The following SLC7A8 variants were observed in gnomAD, a reference collection of about 807,000 sequenced individuals.
SLC7A8 encodes the protein large neutral amino acids transporter small subunit 2.
A neutral mutation model predicts 51.2 loss-of-function variants in SLC7A8; 30 were observed. That is an observed-to-expected ratio of 0.59 (90% CI 0.44 to 0.80). The LOEUF (loss-of-function observed/expected upper bound fraction) is 0.80. SLC7A8 is among the 30% of genes least tolerant of loss of function. The pLI, the probability that SLC7A8 is intolerant of heterozygous loss-of-function variation, is 0.00. For synonymous variants in SLC7A8, 257 were observed against 275.8 expected (o/e 0.93, Z 0.67); for missense variants, 612 against 674.4 (o/e 0.91, Z 1.03).
At chr14:23,131,589 T>C in intron 7 of SLC7A8, 32 bp from the exon 8 acceptor site, 1 of 1,549,180 alleles carries the variant, frequency 6.5e-7, no homozygotes, top group Non-Finnish European at 8.8e-7. Flanking sequence ...CAGCCTGGGA[T>C]AACCCAGGGA....
intron 1 of SLC7A8, among the ~76,000 whole-genome samples, chr14:23,182,292 CT>C (rs1404642619): frequency 1.3e-5 from 2 of 152,224 alleles, no homozygotes; most frequent in African/African-American, 4.8e-5. Context: ...GGGCATTGCT[CT>C]TGCTATTTTT....
At chr14:23,153,625 A>G (rs922809476) in intron 3 of SLC7A8, among the ~76,000 whole-genome samples, 6 of 152,186 alleles carry the variant, frequency 3.9e-5, no homozygotes, top group African/African-American at 1.4e-4. Context: ...AGAAAGGTGC[A>G]TCCATTGCTC....
chr14:23,151,063 G>GT (rs1222196728), intron 3 of SLC7A8, among the ~76,000 whole-genome samples: 1 of 152,146 alleles, frequency 6.6e-6, no homozygotes, highest in African/African-American at 2.4e-5. Flanking sequence ...TATAAGTCAC[G>GT]TGCCTCTGTC....
intron 3 of SLC7A8, among the ~76,000 whole-genome samples, chr14:23,158,130 T>TC (rs1054693557): frequency 2.7e-4 from 41 of 152,248 alleles, no homozygotes; most frequent in African/African-American, 9.6e-4. Context: ...TATTGTTGTC[T>TC]CCCCCGTGCC....
At position 23,128,350 on chromosome 14, in the gene SLC7A8, C is replaced by G. The variant is rs1029087528; in HGVS notation, c.1264-154G>C. The G allele has an allele frequency of 7.1e-6, 11 of 1,538,690 alleles. No individual in the cohort carries two copies. The highest frequency in any genetic ancestry group is 8.7e-6 in the Non-Finnish European group (10 of 1,146,464). ...CGGCTCTGTGGTCCCACACTCACCC[C>G]TGGTAGGGCAGGGGCTATATAAACA... On this transcript the variant is annotated intron_variant, in intron 9 of 10. Coordinates refer to ENST00000316902, the MANE Select transcript of SLC7A8 (RefSeq NM_012244.4). This position sits in a 1 kb window ranked among gnomAD's most constrained non-coding sequence, Gnocchi z 4.3.
intron 1 of SLC7A8, among the ~76,000 whole-genome samples, chr14:23,171,144 G>T (rs1027637123): frequency 6.6e-6 from 1 of 152,140 alleles, no homozygotes; most frequent in Admixed American, 6.5e-5. Context: ...ACGCACATCC[G>T]TCTGGTATTG....
chr14:23,129,340 G>T, intron 9 of SLC7A8: 1 of 269,636 alleles, frequency 3.7e-6, no homozygotes, highest in East Asian at 8.6e-5. Context: ...GGAAGTGTTG[G>T]GGAGATAAGA....
chr14:23,167,933 A>C (rs1222545338), intron 1 of SLC7A8, among the ~76,000 whole-genome samples: 2 of 152,150 alleles, frequency 1.3e-5, no homozygotes. Context: ...ACTCAACCTC[A>C]ATCTAGCCCT....
intron 8 of SLC7A8, among the ~76,000 whole-genome samples, chr14:23,131,036 G>A (rs1255254644): frequency 6.6e-6 from 1 of 152,220 alleles, no homozygotes; most frequent in African/African-American, 2.4e-5. Flanking sequence ...TTTCCCAAGA[G>A]ACTGGCAGGC....
At chr14:23,140,711 C>T in intron 4 of SLC7A8, 87 bp from the exon 5 acceptor site, 2 of 1,307,070 alleles carry the variant, frequency 1.5e-6, no homozygotes, top group South Asian at 1.4e-5. Flanking sequence ...CCTCTCACCC[C>T]TCCCTGTGGC....
At chr14:23,148,619 G>A (rs999992008) in intron 3 of SLC7A8, among the ~76,000 whole-genome samples, 1 of 152,216 alleles carries the variant, frequency 6.6e-6, no homozygotes. Context: ...AGGCAAGAAG[G>A]TCAGAGTTAT....
At chr14:23,153,931 G>A (rs1273798759) in intron 3 of SLC7A8, among the ~76,000 whole-genome samples, 1 of 152,186 alleles carries the variant, frequency 6.6e-6, no homozygotes, top group Non-Finnish European at 1.5e-5. Flanking sequence ...CATAAAGACA[G>A]ATGGTGAAGA....
intron 3 of SLC7A8, chr14:23,154,307 C>T (rs2048872325): frequency 2.0e-6 from 2 of 1,000,390 alleles, no homozygotes; most frequent in South Asian, 9.4e-5. Flanking sequence ...CTCTGGCCAG[C>T]TCCCACAGAC....
chr14:23,163,911 C>G (rs1289566005), intron 3 of SLC7A8, among the ~76,000 whole-genome samples: 1 of 152,072 alleles, frequency 6.6e-6, no homozygotes, highest in Non-Finnish European at 1.5e-5. Context: ...CTATTCCAGC[C>G]CACAGAGATC....
At chr14:23,143,658 A>T (rs969576067) in intron 3 of SLC7A8, among the ~76,000 whole-genome samples, 1 of 152,244 alleles carries the variant, frequency 6.6e-6, no homozygotes, top group African/African-American at 2.4e-5. Context: ...TATAATCTAC[A>T]TCTTACTAAA....
chr14:23,149,138 T>C (rs962520815), intron 3 of SLC7A8, among the ~76,000 whole-genome samples: 1 of 152,176 alleles, frequency 6.6e-6, no homozygotes, highest in Non-Finnish European at 1.5e-5. Context: ...CCACACCACA[T>C]AGCCGCTTCG....
chr14:23,162,532 A>G (rs1566370717), intron 3 of SLC7A8, among the ~76,000 whole-genome samples: 1 of 152,196 alleles, frequency 6.6e-6, no homozygotes, highest in Non-Finnish European at 1.5e-5. Context: ...GACTACAGGA[A>G]TAGAGGAGGG....
At chr14:23,163,771 C>T (rs1047988307) in intron 3 of SLC7A8, among the ~76,000 whole-genome samples, 4 of 152,140 alleles carry the variant, frequency 2.6e-5, no homozygotes, top group South Asian at 2.1e-4. Context: ...TAAGTATTTA[C>T]TTTAGAAATT....
intron 4 of SLC7A8, among the ~76,000 whole-genome samples, chr14:23,142,148 AG>A (rs2140314063): frequency 6.6e-6 from 1 of 152,334 alleles, no homozygotes; most frequent in African/African-American, 2.4e-5. Flanking sequence ...TGTTTCCTGG[AG>A]TAGAAGTCCG....
Sources: allele counts gnomAD v4.1 joint callset (sites outside exome capture counted in the v4.1 genomes callset), GRCh38; gene constraint gnomAD v4.1.1; non-coding constraint Gnocchi (gnomAD v3.1); transcripts MANE v1.5; gene names NCBI Gene and HGNC (gene_info 2026-07-23, HGNC 2026-07-21).